Variants in RTN1 observed in about 807,000 individuals in gnomAD.
The protein encoded by RTN1 is reticulon-1.
A neutral mutation model predicts 65.5 loss-of-function variants in RTN1; 25 were observed. The observed-to-expected ratio is 0.38, with a 90% CI of 0.28 to 0.53. The LOEUF is 0.53. RTN1 is among the 20% of genes least tolerant of loss of function. The pLI is 0.79. For synonymous variants in RTN1, 471 were observed against 447.6 expected (o/e 1.05, Z -0.66); for missense variants, 983 against 1,025.4 (o/e 0.96, Z 0.57).
rs554662598 is a variant in RTN1 at position 59,704,846 on chromosome 14, C to T, written c.1765+22073G>A. On this transcript the variant is annotated intron_variant, in intron 3 of 8. Coordinates refer to ENST00000267484, the MANE Select transcript of RTN1 (RefSeq NM_021136.3). ...CAAAGGTGGTGCCACAGACCATAGA[C>T]GTATCATTTTGATGCCAACTGAACA... Among the ~76,000 whole-genome samples, 12 of 152,112 alleles carry T rather than the reference C, an allele frequency of 7.9e-5. No individual in the cohort carries two copies. The South Asian group carries it at 1.2e-3, about 16-fold the overall frequency.
intron 3 of RTN1, among the ~76,000 whole-genome samples, chr14:59,723,953 A>C (rs556961947): frequency 1.3e-4 from 20 of 152,244 alleles, no homozygotes; most frequent in Non-Finnish European, 2.5e-4. Context: ...GGTTTGGTAA[A>C]TATCACATAA....
At chr14:59,804,439 GA>G (rs1886600585) in intron 1 of RTN1, among the ~76,000 whole-genome samples, 1 of 152,222 alleles carries the variant, frequency 6.6e-6, no homozygotes, top group African/African-American at 2.4e-5. Flanking sequence ...ATTACTGATA[GA>G]AACCCTTAAT....
At chr14:59,615,180 C>A (rs781303214) in intron 3 of RTN1, among the ~76,000 whole-genome samples, 1 of 152,056 alleles carries the variant, frequency 6.6e-6, no homozygotes, top group Non-Finnish European at 1.5e-5. Context: ...CTGGGCATGG[C>A]GGCTCATGCC....
At position 59,825,473 on chromosome 14, in the gene RTN1, G is replaced by A. The variant is rs1413241442; in HGVS notation, c.241+44917C>T. Among the ~76,000 whole-genome samples the A allele has an allele frequency of 6.6e-6, 1 of 152,232 alleles. No individual in the cohort carries two copies. Among genetic ancestry groups the A allele is most frequent in the Non-Finnish European group, 1.5e-5 (1 of 68,038 alleles). ...ATAGTTTTAAAAATAGTTACAATGT[G>A]TTTTCTGTTTTGTCAAAGTTTTATC... On this transcript the variant is annotated intron_variant, in intron 1 of 8. Coordinates refer to ENST00000267484, the MANE Select transcript of RTN1 (RefSeq NM_021136.3). This position sits in a 1 kb window ranked among gnomAD's most constrained non-coding sequence, Gnocchi z 4.2.
intron 1 of RTN1, among the ~76,000 whole-genome samples, chr14:59,820,356 G>GTT (rs34274539): frequency 0.053 from 4,192 of 79,036 alleles, 238 homozygotes; most frequent in Non-Finnish European, 0.063. Flanking sequence ...CTTATTGATA[G>GTT]TTTTTTTTTT....
intron 3 of RTN1, among the ~76,000 whole-genome samples, chr14:59,669,901 A>G (rs1171394661): frequency 6.6e-6 from 1 of 152,224 alleles, no homozygotes; most frequent in African/African-American, 2.4e-5. Flanking sequence ...TTCATCATGC[A>G]GACTCCTTGT....
At chr14:59,850,985 T>A (rs770586839) in intron 1 of RTN1, among the ~76,000 whole-genome samples, 40 of 152,220 alleles carry the variant, frequency 2.6e-4, no homozygotes, top group South Asian at 2.1e-4. Flanking sequence ...TTCAGTTTTA[T>A]TTATATACAG....
At chr14:59,612,690 T>C (rs891662394) in intron 3 of RTN1, among the ~76,000 whole-genome samples, 9 of 152,348 alleles carry the variant, frequency 5.9e-5, no homozygotes, top group African/African-American at 2.2e-4. Flanking sequence ...AAACCAGTAC[T>C]GTATAAAATT....
chr14:59,869,583 G>A (rs889100275), intron 1 of RTN1, among the ~76,000 whole-genome samples: 1 of 128,956 alleles, frequency 7.8e-6, no homozygotes, highest in Non-Finnish European at 1.7e-5. Flanking sequence ...CCGGGGTGGG[G>A]GGGGGGGGGC....
chr14:59,749,671 T>A (rs796862619), intron 1 of RTN1, among the ~76,000 whole-genome samples: 9 of 81,822 alleles, frequency 1.1e-4, no homozygotes, highest in South Asian at 3.1e-4. Context: ...CTATATATAT[T>A]TATATATCTA....
At chr14:59,795,359 G>A (rs1886420990) in intron 1 of RTN1, among the ~76,000 whole-genome samples, 2 of 152,092 alleles carry the variant, frequency 1.3e-5, no homozygotes, top group Non-Finnish European at 2.9e-5. Context: ...AAATACTAAT[G>A]TGGGCAATGG....
rs1881396234 is a variant in RTN1, at chr14:59,596,351, T to C, written c.*394A>G. On this transcript the variant is annotated 3_prime_UTR_variant, in exon 9 of 9. Coordinates refer to ENST00000267484, the MANE Select transcript of RTN1 (RefSeq NM_021136.3). ...ATCCAACCAGCAACCCAAGGACATA[T>C]AAGCGATTTCCACTATTGCATCAGA... 2 of 162,984 alleles carry C rather than the reference T, an allele frequency of 1.2e-5. No individual in the cohort carries two copies. The highest frequency in any genetic ancestry group is 2.7e-5 in the Non-Finnish European group (2 of 74,786). The allele number at this position is 162,984 out of a possible 1,614,324, so 10.1% of individuals were successfully genotyped here. A position where few individuals can be genotyped will look rare whatever the true frequency, so the allele number is the denominator to read the frequency against.
intron 3 of RTN1, among the ~76,000 whole-genome samples, chr14:59,620,182 G>T (rs1450269511): frequency 6.6e-6 from 1 of 152,120 alleles, no homozygotes; most frequent in Non-Finnish European, 1.5e-5. Flanking sequence ...AGGACATTTT[G>T]GGAAGTTACA....
chr14:59,823,852 T>C (rs1157547474), intron 1 of RTN1, among the ~76,000 whole-genome samples: 2 of 152,222 alleles, frequency 1.3e-5, no homozygotes, highest in African/African-American at 4.8e-5. Context: ...TATCCTCAAC[T>C]ATGTTTCTCA....
At chr14:59,672,072 G>T (rs139547525) in intron 3 of RTN1, among the ~76,000 whole-genome samples, 159 of 152,264 alleles carry the variant, frequency 1.0e-3, no homozygotes, top group African/African-American at 3.7e-3. Flanking sequence ...TTCTCTCTTG[G>T]CTTTAGGATG....
At position 59,829,763 on chromosome 14, in the gene RTN1, C is replaced by CA. The variant is rs1168740800; in HGVS notation, c.241+40626dup. ...AAGGAAATGTGGTGAAGCACATACT[C>CA]ACTCTTAAAACTTTTACCCTGAAGA... On this transcript the variant is annotated intron_variant, in intron 1 of 8. Transcript: ENST00000267484. This position sits in a 1 kb window ranked among gnomAD's most constrained non-coding sequence, Gnocchi z 4.3. 6.6e-6 allele frequency among the ~76,000 whole-genome samples: 1 copy of CA among 152,176 alleles called. No homozygotes were observed. The highest frequency in any genetic ancestry group is 1.5e-5 in the Non-Finnish European group (1 of 68,026).
chr14:59,865,215 A>C (rs972160384), intron 1 of RTN1, among the ~76,000 whole-genome samples: 1 of 152,166 alleles, frequency 6.6e-6, no homozygotes, highest in Non-Finnish European at 1.5e-5. Flanking sequence ...GTCAGTGTCA[A>C]ATATATTGGT....
intron 1 of RTN1, among the ~76,000 whole-genome samples, chr14:59,851,787 G>A (rs1280154534): frequency 6.6e-6 from 1 of 151,274 alleles, no homozygotes; most frequent in Non-Finnish European, 1.5e-5. Context: ...AACCTGGGAG[G>A]TGGAGGTTGC....
chr14:59,636,919 G>C (rs1252496832), intron 3 of RTN1, among the ~76,000 whole-genome samples: 1 of 152,164 alleles, frequency 6.6e-6, no homozygotes. Context: ...TTTGCTGGTG[G>C]AGGGTCTTGC....
Sources: gnomAD v4.1 joint callset for allele counts (sites outside exome capture counted in the v4.1 genomes callset) on GRCh38, gnomAD v4.1.1 for gene constraint, Gnocchi (gnomAD v3.1) non-coding constraint, MANE v1.5 for transcripts, NCBI Gene and HGNC (gene_info 2026-07-23, HGNC 2026-07-21) for gene names.